Variants in MAGEB10 observed in about 807,000 individuals in gnomAD.
The protein encoded by MAGEB10 is melanoma-associated antigen B10.
For missense variants in MAGEB10, 190 were observed against 261.9 expected, an observed-to-expected ratio of 0.73 and a Z score of 1.89; for synonymous variants, 99 against 101.0, an observed-to-expected ratio of 0.98 and a Z score of 0.12.
At chrX:27,821,179 T>G in intron 2 of MAGEB10, 79 bp from the exon 3 acceptor site, 1 of 560,952 alleles carries the variant, frequency 1.8e-6, no homozygotes, top group Non-Finnish European at 2.8e-6. Context: ...AAGAAAACTT[T>G]CAGAGGTGGC....
intron 1 of MAGEB10, among the ~76,000 whole-genome samples, chrX:27,813,513 G>C (rs1455488738): frequency 1.8e-5 from 2 of 111,859 alleles, no homozygotes; most frequent in African/African-American, 3.3e-5. Context: ...GGGAATGTCA[G>C]GATAAACAAG....
intron 2 of MAGEB10, among the ~76,000 whole-genome samples, chrX:27,818,379 G>A (rs1041652878): frequency 9.0e-6 from 1 of 111,023 alleles, no homozygotes; most frequent in Admixed American, 9.6e-5. Flanking sequence ...GGTTGAAGCT[G>A]TGCAAATAGA....
At chrX:27,812,349 T>C (rs1437088186) in intron 1 of MAGEB10, 2 of 142,890 alleles carry the variant, frequency 1.4e-5, no homozygotes, top group Non-Finnish European at 2.8e-5. Flanking sequence ...GAGGAGAGCT[T>C]CTGATCACCT....
intron 2 of MAGEB10, 85 bp downstream of exon 2, chrX:27,817,787 TCTTTA>T (rs1303787419): frequency 8.9e-6 from 1 of 111,918 alleles, no homozygotes; most frequent in Non-Finnish European, 1.9e-5. Context: ...AACACATTTC[TCTTTA>T]CTTTGAGAAG....
intron 1 of MAGEB10, among the ~76,000 whole-genome samples, chrX:27,808,362 A>G (rs897853336): frequency 8.9e-6 from 1 of 112,057 alleles, no homozygotes; most frequent in African/African-American, 3.2e-5. Context: ...CTACTACTCC[A>G]TAACAAAGGG....
chrX:27,811,493 C>A (rs1290922255), intron 1 of MAGEB10, among the ~76,000 whole-genome samples: 1 of 111,238 alleles, frequency 9.0e-6, no homozygotes, highest in Non-Finnish European at 1.9e-5. Context: ...CAAAACAGTT[C>A]AGCAGTGAGA....
intron 1 of MAGEB10, chrX:27,812,652 C>T (rs1923714438): frequency 6.4e-6 from 2 of 311,810 alleles, no homozygotes; most frequent in South Asian, 6.9e-5. Flanking sequence ...AGAGCAGTAC[C>T]TGGAGTATTG....
chrX:27,815,366 C>T (rs1923764082), intron 1 of MAGEB10, among the ~76,000 whole-genome samples: 1 of 112,443 alleles, frequency 8.9e-6, no homozygotes, highest in Non-Finnish European at 1.9e-5. Flanking sequence ...TTTACTTTGG[C>T]AGTGAACACT....
chrX:27,815,670 C>T (rs1053214721), intron 1 of MAGEB10, among the ~76,000 whole-genome samples: 15 of 112,223 alleles, frequency 1.3e-4, no homozygotes, highest in African/African-American at 4.9e-4. Context: ...TGTGTATCAA[C>T]CATGTCCAGA....
intron 1 of MAGEB10, chrX:27,812,312 G>A (rs1464970330): frequency 1.2e-5 from 2 of 162,980 alleles, no homozygotes; most frequent in South Asian, 1.0e-4. Flanking sequence ...TAATCCAGAC[G>A]TAAAAGAGCC....
chrX:27,812,776 T>C, intron 1 of MAGEB10: 1 of 353,631 alleles, frequency 2.8e-6, no homozygotes, highest in Non-Finnish European at 5.6e-6. Context: ...CATGGTACAG[T>C]CCCCAGTGCC....
chrX:27,809,198 C>G (rs951061594), intron 1 of MAGEB10, among the ~76,000 whole-genome samples: 1 of 111,163 alleles, frequency 9.0e-6, no homozygotes, highest in Non-Finnish European at 1.9e-5. Context: ...CGCAAGTTCC[C>G]GGTGGGCATG....
chrX:27,821,223 A>C (rs1328794976), intron 2 of MAGEB10, 35 bp from the exon 3 acceptor site: 1 of 848,007 alleles, frequency 1.2e-6, no homozygotes. Flanking sequence ...CTCTCTGCTG[A>C]ATGGGCACAC....
At chrX:27,812,667 G>A (rs1000878544) in intron 1 of MAGEB10, 8 of 328,548 alleles carry the variant, frequency 2.4e-5, no homozygotes, top group Non-Finnish European at 4.9e-5. Context: ...GTATTGGGAA[G>A]TGCCCAACAG....
intron 1 of MAGEB10, among the ~76,000 whole-genome samples, chrX:27,809,343 C>T (rs1363556795): frequency 1.0e-5 from 1 of 98,882 alleles, no homozygotes; most frequent in Non-Finnish European, 2.1e-5. Flanking sequence ...GGGCAGGGCT[C>T]AGGACCTGCA....
intron 1 of MAGEB10, among the ~76,000 whole-genome samples, chrX:27,811,573 A>T (rs1923684447): frequency 9.0e-6 from 1 of 111,682 alleles, no homozygotes; most frequent in African/African-American, 3.3e-5. Flanking sequence ...TCTACCCCAG[A>T]AAAAAAGGAA....
chrX:27,813,961 C>A (rs1397771093), intron 1 of MAGEB10, among the ~76,000 whole-genome samples: 1 of 111,698 alleles, frequency 9.0e-6, no homozygotes, highest in Non-Finnish European at 1.9e-5. Context: ...CTCCAGGGAC[C>A]TTCTGAGAAT....
Position 27,822,089 on chromosome X carries a change from G to A in MAGEB10, c.783G>A (p.Gln261=), listed in dbSNP as rs2093203058. The change falls in exon 3 of 3, where the codon CAG becomes CAA. Residue 261 remains glutamine (Q), a synonymous_variant. Transcript: ENST00000356790. ...DLVKENYLEY[Q]QVPNSDPPRY... ...TGAAAGAAAATTACCTGGAGTACCA[G>A]CAAGTGCCCAACAGTGATCCTCCAC... is the stretch of plus-strand genomic sequence containing the variant. 2 of 1,210,569 alleles carry A rather than the reference G, an allele frequency of 1.7e-6. No homozygotes were observed. Among genetic ancestry groups the A allele is most frequent in the African/African-American group, 3.5e-5 (2 of 57,282 alleles).
rs1381878557 is a variant in MAGEB10, at chrX:27,821,566, A to G, written c.260A>G (p.Asn87Ser). The G allele has an allele frequency of 8.3e-7, 1 of 1,208,542 alleles. No homozygotes were observed. The highest frequency in any genetic ancestry group is 3.0e-5 in the East Asian group (1 of 33,719). Reference protein sequence around the residue: ...ASHTRHPEGVNDQMEERPICT... With the variant: ...ASHTRHPEGVSDQMEERPICT... Reference sequence around the variant, plus strand: ...CACACAAGACATCCCGAAGGAGTCAACGACCAAATGGAAGAAAGGCCAATA... The same window carrying G: ...CACACAAGACATCCCGAAGGAGTCAGCGACCAAATGGAAGAAAGGCCAATA... Residue 87 changes from asparagine to serine, a missense_variant, in exon 3 of 3, where the codon AAC becomes AGC. Asn to Ser is a conservative substitution (Grantham distance 46). Coordinates refer to ENST00000356790, the MANE Select transcript of MAGEB10 (RefSeq NM_182506.3).
Sources: allele counts gnomAD v4.1 joint callset (sites outside exome capture counted in the v4.1 genomes callset), GRCh38; gene constraint gnomAD v4.1.1; transcripts MANE v1.5; gene names NCBI Gene and HGNC (gene_info 2026-07-23, HGNC 2026-07-21).